FAM241A: variants seen among roughly 807,000 people sequenced by gnomAD.
FAM241A encodes the protein uncharacterized protein FAM241A.
Under a neutral mutation model 12.2 loss-of-function variants are expected in FAM241A, and 7 were observed. The ratio of observed to expected loss-of-function variants is 0.58; its 90% CI spans 0.33 to 1.08. The LOEUF (loss-of-function observed/expected upper bound fraction) is 1.08. FAM241A is among the 50% of genes least tolerant of loss of function. The pLI is 0.04. For missense variants in FAM241A, 161 were observed against 169.7 expected (o/e 0.95, Z 0.29); for synonymous variants, 74 against 68.2 (o/e 1.08, Z -0.42).
chr4:112,158,898 C>A (rs1723406626), intron 1 of FAM241A, among the ~76,000 whole-genome samples: 1 of 152,106 alleles, frequency 6.6e-6, no homozygotes. Context: ...CTGTTAACTG[C>A]AGTCACTAAC....
chr4:112,158,537 T>C (rs931945252), intron 1 of FAM241A, among the ~76,000 whole-genome samples: 5 of 152,116 alleles, frequency 3.3e-5, no homozygotes, highest in African/African-American at 4.8e-5. Context: ...TCATTTCTCA[T>C]TAATCTTGTG....
At position 112,187,597 on chromosome 4, in the gene FAM241A, A is replaced by G. The variant is rs894514824; in HGVS notation, c.*659A>G. On this transcript the variant is annotated 3_prime_UTR_variant, in exon 2 of 2. Coordinates refer to ENST00000309733, the MANE Select transcript of FAM241A (RefSeq NM_152400.3). ...AACTTTTTTAAAATGTAACATTTGG[A>G]CCTAGACCTACTTTAATATATCATT... 2.6e-5 allele frequency: 4 copies of G among 152,656 alleles called. No homozygotes were observed. Among genetic ancestry groups the G allele is most frequent in the African/African-American group, 9.6e-5 (4 of 41,558 alleles). 9.5% of individuals were successfully genotyped at this position (152,656 alleles called of 1,614,324 possible). A position where few individuals can be genotyped will look rare whatever the true frequency, so the allele number is the denominator to read the frequency against.
Position 112,188,845 on chromosome 4 carries a change from G to A in FAM241A, c.*1907G>A, listed in dbSNP as rs1467532148. The A allele has an allele frequency of 6.6e-6, 1 of 151,964 alleles. No homozygotes were observed. The highest frequency in any genetic ancestry group is 1.5e-5 in the Non-Finnish European group (1 of 67,986). 9.4% of individuals were successfully genotyped at this position (151,964 alleles called of 1,614,324 possible). A position where few individuals can be genotyped will look rare whatever the true frequency, so the allele number is the denominator to read the frequency against. On this transcript the variant is annotated 3_prime_UTR_variant, in exon 2 of 2. Transcript: ENST00000309733. ...AACTATTTAGTATACTGTCAGTACT[G>A]TACATCTGCACACTGGTGTTAATAG...
intron 1 of FAM241A, among the ~76,000 whole-genome samples, chr4:112,169,317 C>A (rs925179091): frequency 6.6e-6 from 1 of 152,126 alleles, no homozygotes; most frequent in African/African-American, 2.4e-5. Flanking sequence ...GGAAGTGACT[C>A]ATCAAACACA....
intron 1 of FAM241A, among the ~76,000 whole-genome samples, chr4:112,147,863 T>C (rs989490497): frequency 6.6e-6 from 1 of 152,076 alleles, no homozygotes; most frequent in African/African-American, 2.4e-5. Flanking sequence ...TAGCTGGAAA[T>C]GAGACAGAGG....
chr4:112,183,186 T>C (rs1449827177), intron 1 of FAM241A, among the ~76,000 whole-genome samples: 1 of 152,118 alleles, frequency 6.6e-6, no homozygotes, highest in Non-Finnish European at 1.5e-5. Flanking sequence ...AGTATTTCAG[T>C]AAGGTGGCAA....
In FAM241A at chr4:112,145,543, T is replaced by C; in HGVS notation, c.-38T>C. ...TGCCTGGTGCGTCGCGGCGTGGTCC[T>C]CCGGCGGCTGTCCGGGGCGGTAGGA... is the stretch of plus-strand genomic sequence containing the variant. On this transcript the variant is annotated 5_prime_UTR_variant, in exon 1 of 2. Coordinates refer to ENST00000309733, the MANE Select transcript of FAM241A (RefSeq NM_152400.3). 1 of 1,234,258 alleles carries C rather than the reference T, an allele frequency of 8.1e-7. No homozygotes were observed. The highest frequency in any genetic ancestry group is 1.0e-6 in the Non-Finnish European group (1 of 986,932). 76.5% of individuals were successfully genotyped at this position (1,234,258 alleles called of 1,614,324 possible). A position where few individuals can be genotyped will look rare whatever the true frequency, so the allele number is the denominator to read the frequency against.
chr4:112,169,408 ATC>A (rs1723670862), intron 1 of FAM241A, among the ~76,000 whole-genome samples: 1 of 152,206 alleles, frequency 6.6e-6, no homozygotes, highest in Admixed American at 6.5e-5. Flanking sequence ...ACAGTATAAA[ATC>A]TATTTTTATA....
chr4:112,183,110 T>C (rs974105587), intron 1 of FAM241A, among the ~76,000 whole-genome samples: 2 of 152,190 alleles, frequency 1.3e-5, no homozygotes, highest in Non-Finnish European at 2.9e-5. Context: ...TATGTTACTT[T>C]TAGGCATTAG....
rs900300897 is a variant in FAM241A, at chr4:112,194,312, C to A, written c.*7374C>A. The A allele has an allele frequency of 6.6e-6, 1 of 152,050 alleles. No individual in the cohort carries two copies. Among genetic ancestry groups the A allele is most frequent in the African/African-American group, 2.4e-5 (1 of 41,356 alleles). The allele number at this position is 152,050 out of a possible 1,614,324, so 9.4% of individuals were successfully genotyped here. A position where few individuals can be genotyped will look rare whatever the true frequency, so the allele number is the denominator to read the frequency against. ...TCTGCAAACAGGGACAATTTGACTT[C>A]CTCTTTTCCTAATTGAATACTTTTT... is the stretch of plus-strand genomic sequence containing the variant. On this transcript the variant is annotated 3_prime_UTR_variant, in exon 2 of 2. Coordinates refer to ENST00000309733, the MANE Select transcript of FAM241A (RefSeq NM_152400.3).
intron 1 of FAM241A, among the ~76,000 whole-genome samples, chr4:112,177,399 G>A (rs912630137): frequency 6.6e-6 from 1 of 152,112 alleles, no homozygotes; most frequent in Admixed American, 6.6e-5. Flanking sequence ...ATAATAACTG[G>A]AGGGTGTGTA....
In FAM241A at chr4:112,189,443, T is replaced by C. The variant is rs1724118694; in HGVS notation, c.*2505T>C. On this transcript the variant is annotated 3_prime_UTR_variant, in exon 2 of 2. Transcript: ENST00000309733. ...CATTTCAATCTCAAATACAAGCCAGTTTTAGAAACTGTTATTGCTTATGAA... is the reference window on the plus strand; with the variant it reads ...CATTTCAATCTCAAATACAAGCCAGCTTTAGAAACTGTTATTGCTTATGAA... 6.6e-6 allele frequency: 1 copy of C among 151,764 alleles called. No homozygotes were observed. Among genetic ancestry groups the C allele is most frequent in the South Asian group, 2.1e-4 (1 of 4,798 alleles). 9.4% of individuals were successfully genotyped at this position (151,764 alleles called of 1,614,324 possible). A position where few individuals can be genotyped will look rare whatever the true frequency, so the allele number is the denominator to read the frequency against.
chr4:112,184,185 C>T (rs4834238), intron 1 of FAM241A, among the ~76,000 whole-genome samples: 86,240 of 152,022 alleles, frequency 0.57, 26,068 homozygotes, highest in East Asian at 0.82. Context: ...ACATTTTGTT[C>T]TTCTCACTCT....
intron 1 of FAM241A, among the ~76,000 whole-genome samples, chr4:112,147,606 T>G (rs1048511735): frequency 6.6e-6 from 1 of 152,206 alleles, no homozygotes; most frequent in Non-Finnish European, 1.5e-5. Flanking sequence ...TAGTATTACA[T>G]GTGTAAAGAT....
chr4:112,181,924 G>C (rs376061272), intron 1 of FAM241A, among the ~76,000 whole-genome samples: 1 of 152,134 alleles, frequency 6.6e-6, no homozygotes, highest in South Asian at 2.1e-4. Context: ...GAACCACTGT[G>C]GCTACATTGT....
chr4:112,154,627 C>A (rs140577005), intron 1 of FAM241A, among the ~76,000 whole-genome samples: 2 of 152,222 alleles, frequency 1.3e-5, no homozygotes, highest in Admixed American at 1.3e-4. Flanking sequence ...TATTGTCCTG[C>A]ATATGCAAGG....
chr4:112,162,158 C>T (rs1723485799), intron 1 of FAM241A, among the ~76,000 whole-genome samples: 1 of 152,136 alleles, frequency 6.6e-6, no homozygotes, highest in African/African-American at 2.4e-5. Flanking sequence ...TGGGACGTAT[C>T]TCACAATAAT....
chr4:112,186,542 A>G (rs902164738), intron 1 of FAM241A, 151 bp from the exon 2 acceptor site: 50 of 692,320 alleles, frequency 7.2e-5, no homozygotes, highest in Admixed American at 5.9e-4. Flanking sequence ...CCAGGATCAA[A>G]AAGAACATTC....
At chr4:112,156,622 G>T (rs2110422137) in intron 1 of FAM241A, among the ~76,000 whole-genome samples, 2 of 152,286 alleles carry the variant, frequency 1.3e-5, no homozygotes, top group South Asian at 4.1e-4. Flanking sequence ...TAAAAACTCA[G>T]TTGATGTTTT....
Sources: allele counts gnomAD v4.1 joint callset (sites outside exome capture counted in the v4.1 genomes callset), GRCh38; gene constraint gnomAD v4.1.1; transcripts MANE v1.5; gene names NCBI Gene and HGNC (gene_info 2026-07-23, HGNC 2026-07-21).